The following CLMN variants were observed in gnomAD, a reference collection of about 807,000 sequenced individuals.
CLMN encodes the protein calmin, also known as calmin (calponin-like, transmembrane).
CLMN carries 57 observed loss-of-function variants against 92.7 expected under a neutral mutation model. The ratio of observed to expected loss-of-function variants is 0.61; its 90% CI spans 0.50 to 0.77. The LOEUF (loss-of-function observed/expected upper bound fraction) is 0.77, where lower values mean the gene tolerates loss of function less well. CLMN is among the 30% of genes least tolerant of loss of function. The pLI is 0.00. For missense variants in CLMN, 1,158 were observed against 1,237.5 expected (o/e 0.94, Z 0.96); for synonymous variants, 466 against 470.6 (o/e 0.99, Z 0.13).
In CLMN at chr14:95,294,465, C is replaced by T. The variant is rs533015235; in HGVS notation, c.82+25246G>A. Among the ~76,000 whole-genome samples the T allele has an allele frequency of 5.3e-5, 8 of 152,142 alleles. No homozygotes were observed. The highest frequency in any genetic ancestry group is 1.0e-4 in the Non-Finnish European group (7 of 68,028). ...CACCCAGTCTGGGCCAAGAGGCATC[C>T]GCGGGGAAGGATCCTGTCCAACAGA... On this transcript the variant is annotated intron_variant, in intron 1 of 12. Transcript: ENST00000298912. This position sits in a 1 kb window ranked among gnomAD's most constrained non-coding sequence, Gnocchi z 4.2.
intron 1 of CLMN, among the ~76,000 whole-genome samples, chr14:95,307,169 G>A (rs1306602348): frequency 6.6e-6 from 1 of 152,130 alleles, no homozygotes; most frequent in African/African-American, 2.4e-5. Context: ...ACATGGTCGG[G>A]CTCACAGCTA....
At chr14:95,298,855 T>A (rs1211438300) in intron 1 of CLMN, among the ~76,000 whole-genome samples, 2 of 152,108 alleles carry the variant, frequency 1.3e-5, no homozygotes, top group Non-Finnish European at 2.9e-5. Context: ...CATAACCTGC[T>A]CAGGTCACAG....
chr14:95,221,151 A>T (rs1468844431), intron 4 of CLMN, among the ~76,000 whole-genome samples: 2 of 151,948 alleles, frequency 1.3e-5, no homozygotes, highest in East Asian at 3.9e-4. Flanking sequence ...GGCGTGATGA[A>T]ACGTCCTCCC....
At chr14:95,224,543 A>G (rs1008063760) in intron 2 of CLMN, among the ~76,000 whole-genome samples, 1 of 152,120 alleles carries the variant, frequency 6.6e-6, no homozygotes, top group African/African-American at 2.4e-5. Context: ...TCGGCCTCCC[A>G]AAGTGCTGGA....
chr14:95,242,874 T>A (rs2140658280), intron 1 of CLMN, among the ~76,000 whole-genome samples: 1 of 152,354 alleles, frequency 6.6e-6, no homozygotes, highest in African/African-American at 2.4e-5. Context: ...GCCTGGCATC[T>A]CTATTTTTAA....
chr14:95,270,059 G>A (rs1039345966), intron 1 of CLMN, among the ~76,000 whole-genome samples: 3 of 152,184 alleles, frequency 2.0e-5, no homozygotes, highest in Non-Finnish European at 4.4e-5. Context: ...AAGGTAAAAT[G>A]GCTTGGCCAG....
At position 95,235,528 on chromosome 14, in the gene CLMN, CAATT is replaced by C. The variant is rs1595605134; in HGVS notation, c.83-5399_83-5396del. 2.0e-5 allele frequency among the ~76,000 whole-genome samples: 3 copies of C among 152,278 alleles called. No individual in the cohort carries two copies. The East Asian group carries it at 5.8e-4, about 29-fold the overall frequency. On this transcript the variant is annotated intron_variant, in intron 1 of 12. Coordinates refer to ENST00000298912, the MANE Select transcript of CLMN (RefSeq NM_024734.4). ...CCCCAGGCTTAACAGTCACTTGAAA[CAATT>C]AAGTGAGATATTGCAAAGGGAATGA...
intron 1 of CLMN, among the ~76,000 whole-genome samples, chr14:95,277,438 T>C (rs1254927033): frequency 1.3e-5 from 2 of 152,214 alleles, no homozygotes; most frequent in Non-Finnish European, 2.9e-5. Flanking sequence ...TTCTGTCTCT[T>C]GGTCTCCGCC....
intron 4 of CLMN, 47 bp from the exon 5 acceptor site, chr14:95,215,780 A>G (rs753481670): frequency 7.2e-5 from 98 of 1,370,348 alleles, no homozygotes; most frequent in Non-Finnish European, 1.3e-5. Context: ...TCCAGGGAGG[A>G]TAACATATGT....
chr14:95,297,541 A>C (rs1205002582), intron 1 of CLMN, among the ~76,000 whole-genome samples: 1 of 152,098 alleles, frequency 6.6e-6, no homozygotes, highest in Non-Finnish European at 1.5e-5. Flanking sequence ...GCCCCTGACA[A>C]CCACACATCC....
At chr14:95,214,598 C>T (rs576046145) in intron 5 of CLMN, among the ~76,000 whole-genome samples, 12 of 152,098 alleles carry the variant, frequency 7.9e-5, no homozygotes, top group African/African-American at 1.2e-4. Flanking sequence ...GCGACCCTGC[C>T]GCCATGGCCT....
Position 95,189,596 on chromosome 14 carries a change from A to C in CLMN, c.*1968T>G, listed in dbSNP as rs1896516223. 1.3e-5 allele frequency: 2 copies of C among 152,240 alleles called. No homozygotes were observed. The highest frequency in any genetic ancestry group is 4.8e-5 in the African/African-American group (2 of 41,462). The allele number at this position is 152,240 out of a possible 1,614,324, so 9.4% of individuals were successfully genotyped here. A position where few individuals can be genotyped will look rare whatever the true frequency, so the allele number is the denominator to read the frequency against. On this transcript the variant is annotated 3_prime_UTR_variant, in exon 13 of 13. Transcript: ENST00000298912. ...GTATCTTGCAGAGGTTTTTCTGAAC[A>C]AGGTCTAGACCCATAAAATGAAATG...
intron 1 of CLMN, among the ~76,000 whole-genome samples, chr14:95,247,583 C>G (rs970560177): frequency 5.3e-5 from 8 of 152,152 alleles, no homozygotes; most frequent in African/African-American, 1.9e-4. Context: ...AGGAGACAGG[C>G]ACTATCATTA....
intron 1 of CLMN, among the ~76,000 whole-genome samples, chr14:95,289,446 A>G (rs1900468003): frequency 6.6e-6 from 1 of 151,750 alleles, no homozygotes; most frequent in Non-Finnish European, 1.5e-5. Flanking sequence ...CCTGGTTGAC[A>G]GAGCAAGACT....
intron 1 of CLMN, among the ~76,000 whole-genome samples, chr14:95,270,862 T>C (rs911662187): frequency 6.6e-6 from 1 of 152,236 alleles, no homozygotes; most frequent in African/African-American, 2.4e-5. Flanking sequence ...TCTATGGTAA[T>C]GGTATGTGTG....
intron 1 of CLMN, among the ~76,000 whole-genome samples, chr14:95,293,270 CTCCT>C (rs1278264650): frequency 1.9e-5 from 1 of 52,540 alleles, no homozygotes; most frequent in Non-Finnish European, 4.2e-5. Flanking sequence ...CCCTCCCTCC[CTCCT>C]TCTTTTCCTC....
intron 1 of CLMN, among the ~76,000 whole-genome samples, chr14:95,274,103 T>G (rs1278260827): frequency 6.6e-6 from 1 of 152,192 alleles, no homozygotes; most frequent in Admixed American, 6.5e-5. Context: ...TATTGTGATT[T>G]CTATATTTCT....
At chr14:95,279,691 G>A (rs531220076) in intron 1 of CLMN, among the ~76,000 whole-genome samples, 3 of 152,364 alleles carry the variant, frequency 2.0e-5, no homozygotes, top group Non-Finnish European at 4.4e-5. Context: ...GATGAGGCAG[G>A]AGAATGGCGT....
intron 1 of CLMN, among the ~76,000 whole-genome samples, chr14:95,307,215 C>A (rs953806171): frequency 2.0e-5 from 3 of 152,176 alleles, no homozygotes; most frequent in African/African-American, 7.2e-5. Context: ...AGGCTCAAAT[C>A]CAACTCTGCC....
Sources: gnomAD v4.1 joint callset for allele counts (sites outside exome capture counted in the v4.1 genomes callset) on GRCh38, gnomAD v4.1.1 for gene constraint, Gnocchi (gnomAD v3.1) non-coding constraint, MANE v1.5 for transcripts, NCBI Gene and HGNC (gene_info 2026-07-23, HGNC 2026-07-21) for gene names.